Variants in ACSM5 observed in about 807,000 individuals in gnomAD.
The protein encoded by ACSM5 is acyl-CoA synthetase medium chain family member 5.
In ACSM5, 56 loss-of-function variants were observed where a neutral mutation model predicts 71.6. That is an observed-to-expected ratio of 0.78 (90% CI 0.63 to 0.98). The LOEUF is 0.98. ACSM5 is among the 50% of genes least tolerant of loss of function. The probability of loss-of-function intolerance (pLI) is 0.00; values close to 1 mark genes in which losing one functional copy is unlikely to be tolerated. For missense variants in ACSM5, 723 were observed against 726.0 expected (o/e 1.00, Z 0.05); for synonymous variants, 285 against 281.5 (o/e 1.01, Z -0.12).
chr16:20,439,675 C>T, intron 12 of ACSM5, 125 bp from the exon 13 acceptor site: 2 of 1,204,504 alleles, frequency 1.7e-6, no homozygotes, highest in Non-Finnish European at 2.3e-6. Flanking sequence ...TGGCTGTGCC[C>T]AAAAAAAACT....
At chr16:20,412,666 G>A (rs1367842437) in intron 2 of ACSM5, among the ~76,000 whole-genome samples, 1 of 152,086 alleles carries the variant, frequency 6.6e-6, no homozygotes, top group Non-Finnish European at 1.5e-5. Context: ...TTTCCCTAGG[G>A]GTTTTTGTCC....
At chr16:20,420,500 T>C (rs9928877) in intron 4 of ACSM5, among the ~76,000 whole-genome samples, 2,136 of 152,244 alleles carry the variant, frequency 0.014, 50 homozygotes, top group African/African-American at 0.048. Flanking sequence ...TTTGGGAGGC[T>C]GAGGCAGGAG....
intron 1 of ACSM5, among the ~76,000 whole-genome samples, chr16:20,411,026 T>C (rs1221809608): frequency 6.6e-6 from 1 of 152,232 alleles, no homozygotes; most frequent in Non-Finnish European, 1.5e-5. Flanking sequence ...TAAAATGTTT[T>C]ATTATAATAA....
intron 12 of ACSM5, among the ~76,000 whole-genome samples, chr16:20,438,062 T>C (rs59318790): frequency 0.37 from 54,818 of 149,596 alleles, 11,311 homozygotes; most frequent in East Asian, 0.77. Context: ...CTCCTGACCT[T>C]AGGTGATCCA....
chr16:20,424,180 CT>C (rs2141650278), intron 6 of ACSM5, 111 bp downstream of exon 6: 2 of 1,372,362 alleles, frequency 1.5e-6, no homozygotes, highest in Non-Finnish European at 9.8e-7. Context: ...TTTAAGGCTT[CT>C]TTGGTGTGGC....
At chr16:20,421,975 A>G (rs530910327) in intron 5 of ACSM5, among the ~76,000 whole-genome samples, 2 of 152,100 alleles carry the variant, frequency 1.3e-5, no homozygotes, top group East Asian at 1.9e-4. Flanking sequence ...TTGTTTTGCA[A>G]TTTGGCTTCT....
At chr16:20,430,382 C>T (rs1372203472) in intron 8 of ACSM5, among the ~76,000 whole-genome samples, 6 of 151,978 alleles carry the variant, frequency 3.9e-5, no homozygotes, top group East Asian at 1.9e-4. Context: ...TTCTAAGCAG[C>T]GTCCTCTATA....
At chr16:20,436,648 G>C (rs907281316) in intron 10 of ACSM5, among the ~76,000 whole-genome samples, 5 of 152,114 alleles carry the variant, frequency 3.3e-5, no homozygotes, top group Admixed American at 3.3e-4. Context: ...GGGATTATAG[G>C]GATGAGCCAC....
chr16:20,426,209 A>T (rs906842502), intron 6 of ACSM5, among the ~76,000 whole-genome samples: 3 of 152,240 alleles, frequency 2.0e-5, no homozygotes, highest in Non-Finnish European at 4.4e-5. Context: ...GATCAAACTC[A>T]TCACCATCAT....
At chr16:20,424,103 T>G (rs771538585) in intron 6 of ACSM5, 34 bp downstream of exon 6, 2 of 1,611,518 alleles carry the variant, frequency 1.2e-6, no homozygotes, top group African/African-American at 2.7e-5. Context: ...CCCATATGTG[T>G]TGGGTACAAA....
At chr16:20,436,925 G>A (rs372339084) in intron 10 of ACSM5, 127 bp from the exon 11 acceptor site, 278 of 1,062,254 alleles carry the variant, frequency 2.6e-4, no homozygotes, top group African/African-American at 2.5e-3. Context: ...CTGGGCAGCC[G>A]GGACTTTAGG....
intron 12 of ACSM5, among the ~76,000 whole-genome samples, chr16:20,439,270 C>T (rs1367621356): frequency 8.1e-6 from 1 of 123,854 alleles, no homozygotes; most frequent in Non-Finnish European, 1.6e-5. Flanking sequence ...GCAGAGAGAC[C>T]CAAGATGCAG....
chr16:20,438,502 T>TA (rs146696721), intron 12 of ACSM5, among the ~76,000 whole-genome samples: 2,390 of 151,830 alleles, frequency 0.016, 66 homozygotes, highest in African/African-American at 0.053. Context: ...TAATGTATAA[T>TA]AAGGGAGGTG....
At chr16:20,435,390 G>C (rs910634309) in intron 10 of ACSM5, among the ~76,000 whole-genome samples, 2 of 152,132 alleles carry the variant, frequency 1.3e-5, no homozygotes, top group Admixed American at 6.5e-5. Context: ...AGAGTTTTAA[G>C]TTTTCTCCAT....
intron 10 of ACSM5, among the ~76,000 whole-genome samples, chr16:20,433,328 A>T (rs1191978266): frequency 6.6e-6 from 1 of 152,250 alleles, no homozygotes; most frequent in Non-Finnish European, 1.5e-5. Flanking sequence ...CACGTTGGTC[A>T]TTCCCATTTA....
intron 4 of ACSM5, 21 bp from the exon 5 acceptor site, chr16:20,421,237 T>C: frequency 5.8e-6 from 9 of 1,547,696 alleles, no homozygotes; most frequent in Non-Finnish European, 7.9e-6. Flanking sequence ...TAGTGCCACC[T>C]AGTGTATTTA....
intron 6 of ACSM5, among the ~76,000 whole-genome samples, chr16:20,426,740 A>C (rs1226032060): frequency 6.6e-6 from 1 of 152,242 alleles, no homozygotes. Flanking sequence ...AATGGTGTTT[A>C]CCAGGAGTTA....
Position 20,418,255 on chromosome 16 carries a change from C to T in ACSM5, c.401C>T (p.Ala134Val), listed in dbSNP as rs1567340949. The change falls in exon 3 of 14, where the codon GCT (alanine) becomes GTT (valine). Residue 134 changes from alanine to valine, a missense_variant. By Grantham distance (64) the Ala-to-Val change is moderately conservative. Coordinates refer to ENST00000331849, the MANE Select transcript of ACSM5 (RefSeq NM_017888.3). ...CCGGAGTGGTGGCTGGTCAGTGTGG[C>T]TTGCATGCGGACAGGTCAGTAAGCA... ...RLPEWWLVSVACMRTGTVMIP... is the reference protein window; with the variant it reads ...RLPEWWLVSVVCMRTGTVMIP... 1.9e-6 allele frequency: 3 copies of T among 1,611,312 alleles called. No homozygotes were observed. Among genetic ancestry groups the T allele is most frequent in the Non-Finnish European group, 2.5e-6 (3 of 1,179,484 alleles).
At chr16:20,418,395 T>C in intron 3 of ACSM5, 126 bp downstream of exon 3, 11 of 979,728 alleles carry the variant, frequency 1.1e-5, no homozygotes, top group Non-Finnish European at 1.6e-5. Context: ...TACTTCCTAT[T>C]TGCCTAACAA....
Sources: allele counts gnomAD v4.1 joint callset (sites outside exome capture counted in the v4.1 genomes callset), GRCh38; gene constraint gnomAD v4.1.1; transcripts MANE v1.5; gene names NCBI Gene and HGNC (gene_info 2026-07-23, HGNC 2026-07-21).